Variants in KLHL29 observed in about 807,000 individuals in gnomAD.
KLHL29 encodes the protein kelch like family member 29, also known as kelch-like protein 29.
In KLHL29, 21 loss-of-function variants were observed where a neutral mutation model predicts 80.4. The observed-to-expected ratio is 0.26, with a 90% CI of 0.19 to 0.38. The LOEUF (loss-of-function observed/expected upper bound fraction) is 0.38. KLHL29 is among the 10% of genes least tolerant of loss of function. The pLI is 1.00. For synonymous variants in KLHL29, 511 were observed against 526.8 expected (o/e 0.97, Z 0.41); for missense variants, 867 against 1,223.9 (o/e 0.71, Z 4.35).
intron 12 of KLHL29, 94 bp from the exon 13 acceptor site, chr2:23,703,625 C>A: frequency 7.2e-7 from 1 of 1,395,368 alleles, no homozygotes; most frequent in South Asian, 1.5e-5. Context: ...GGAAGTCTTT[C>A]GAGCTTCCTT....
At position 23,696,125 on chromosome 2, in the gene KLHL29, A is replaced by G; in HGVS notation, c.1916A>G (p.Tyr639Cys). Residue 639 changes from tyrosine (Y) to cysteine (C), a missense_variant, in exon 10 of 14, where the codon TAC becomes TGC. Physicochemically the swap from Tyr to Cys is radical, Grantham distance 194 (BLOSUM62 -2). Transcript: ENST00000486442. This position sits in a 1 kb window ranked among gnomAD's most constrained non-coding sequence, Gnocchi z 5.5. ...GTAGTGAGTGCAGGGGACAACATCTACCTCTCAGGTGAGGCCCCCCGGGGT... is the reference window on the plus strand; with the variant it reads ...GTAGTGAGTGCAGGGGACAACATCTGCCTCTCAGGTGAGGCCCCCCGGGGT... Reference protein sequence around the residue: ...FSVVSAGDNIYLSGGMESGVT... With the variant: ...FSVVSAGDNICLSGGMESGVT... The G allele has an allele frequency of 1.3e-6, 2 of 1,551,184 alleles. No homozygotes were observed. The highest frequency in any genetic ancestry group is 1.7e-6 in the Non-Finnish European group (2 of 1,146,686).
intron 3 of KLHL29, among the ~76,000 whole-genome samples, chr2:23,582,651 G>GCTA (rs914895364): frequency 5.9e-5 from 9 of 152,306 alleles, no homozygotes; most frequent in African/African-American, 2.2e-4. Context: ...CTGTGAACTT[G>GCTA]CTACAATTTC....
chr2:23,626,728 G>A (rs936939405), intron 3 of KLHL29, among the ~76,000 whole-genome samples: 3 of 152,210 alleles, frequency 2.0e-5, no homozygotes, highest in Admixed American at 1.3e-4. Context: ...CCCTGCCTGC[G>A]TGGATGACGC....
chr2:23,492,218 C>T (rs1198740035), intron 2 of KLHL29, among the ~76,000 whole-genome samples: 1 of 152,246 alleles, frequency 6.6e-6, no homozygotes, highest in Non-Finnish European at 1.5e-5. Flanking sequence ...ATGGTCTCCT[C>T]CACCTGGGAT....
intron 3 of KLHL29, among the ~76,000 whole-genome samples, chr2:23,609,259 A>T (rs1399651722): frequency 6.6e-6 from 1 of 152,172 alleles, no homozygotes; most frequent in Non-Finnish European, 1.5e-5. Flanking sequence ...CTGCAGTGGC[A>T]GGGCACTGTG....
At chr2:23,568,738 C>T (rs1397923576) in intron 3 of KLHL29, among the ~76,000 whole-genome samples, 1 of 152,206 alleles carries the variant, frequency 6.6e-6, no homozygotes. Flanking sequence ...AAGGGACAGG[C>T]ATCTAAGGTT....
intron 5 of KLHL29, among the ~76,000 whole-genome samples, chr2:23,661,888 G>T (rs1385557825): frequency 6.6e-6 from 1 of 152,268 alleles, no homozygotes; most frequent in Non-Finnish European, 1.5e-5. Context: ...TATAGGAGGA[G>T]ACCCTGGGCA....
At chr2:23,540,430 G>A (rs542425982) in intron 2 of KLHL29, among the ~76,000 whole-genome samples, 14 of 152,302 alleles carry the variant, frequency 9.2e-5, no homozygotes, top group African/African-American at 3.1e-4. Context: ...GCAGAAAATC[G>A]TACTGGCTAG....
intron 2 of KLHL29, among the ~76,000 whole-genome samples, chr2:23,527,840 C>G (rs1050414850): frequency 6.6e-6 from 1 of 152,220 alleles, no homozygotes; most frequent in Non-Finnish European, 1.5e-5. Flanking sequence ...CCCGAGTCAG[C>G]TTTCTGCATT....
intron 7 of KLHL29, among the ~76,000 whole-genome samples, chr2:23,692,477 A>C (rs1408652449): frequency 6.6e-6 from 1 of 152,220 alleles, no homozygotes; most frequent in African/African-American, 2.4e-5. Context: ...GCCCCCAAAG[A>C]AGCAGTGGCC....
intron 5 of KLHL29, among the ~76,000 whole-genome samples, chr2:23,664,006 G>A (rs1054348868): frequency 6.6e-6 from 1 of 152,178 alleles, no homozygotes; most frequent in African/African-American, 2.4e-5. Context: ...CGAGTGGTTG[G>A]GGACTGGGGC....
Position 23,693,259 on chromosome 2 carries a change from T to C in KLHL29, c.1283-10T>C. 6.5e-7 allele frequency: 1 copy of C among 1,539,318 alleles called. No individual in the cohort carries two copies. Among genetic ancestry groups the C allele is most frequent in the Non-Finnish European group, 8.8e-7 (1 of 1,139,160 alleles). ...CCTTTGGGTCAGTGGTCCTGCGCTG[T>C]CGCCCCCAGAGAAGCAGCTGACGGC... On this transcript the variant is annotated splice_polypyrimidine_tract_variant and intron_variant, in intron 7 of 13. Transcript: ENST00000486442.
chr2:23,570,894 G>A (rs985087546), intron 3 of KLHL29, among the ~76,000 whole-genome samples: 1 of 152,254 alleles, frequency 6.6e-6, no homozygotes, highest in South Asian at 2.1e-4. Flanking sequence ...TCCCTCTGGA[G>A]CATCCCAAGC....
At chr2:23,407,289 C>G (rs1666758800) in intron 1 of KLHL29, among the ~76,000 whole-genome samples, 1 of 152,084 alleles carries the variant, frequency 6.6e-6, no homozygotes, top group African/African-American at 2.4e-5. Flanking sequence ...CATGTGAATA[C>G]TCACTTTACC....
Position 23,562,534 on chromosome 2 carries a change from C to A in KLHL29, c.285+53C>A. 6.6e-7 allele frequency: 1 copy of A among 1,516,564 alleles called. No homozygotes were observed. 93.9% of individuals were successfully genotyped at this position (1,516,564 alleles called of 1,614,324 possible). ...GAGCCGGACAGAGGGGCCCTGCCTC[C>A]CTGCAGGCTCAGGCCAGCCCCACAG... On this transcript the variant is annotated intron_variant, in intron 3 of 13. Coordinates refer to ENST00000486442, the MANE Select transcript of KLHL29 (RefSeq NM_052920.2). This position sits in a 1 kb window ranked among gnomAD's most constrained non-coding sequence, Gnocchi z 4.5.
chr2:23,605,636 A>G (rs1429146313), intron 3 of KLHL29, among the ~76,000 whole-genome samples: 1 of 152,214 alleles, frequency 6.6e-6, no homozygotes. Flanking sequence ...TGCCCATGAA[A>G]ATAGACACAT....
At chr2:23,538,677 T>A (rs1158820592) in intron 2 of KLHL29, among the ~76,000 whole-genome samples, 1 of 152,228 alleles carries the variant, frequency 6.6e-6, no homozygotes, top group Non-Finnish European at 1.5e-5. Context: ...GCTGCACATT[T>A]GTGACAGTGT....
chr2:23,675,897 A>G (rs913093353), intron 5 of KLHL29, among the ~76,000 whole-genome samples: 5 of 152,142 alleles, frequency 3.3e-5, no homozygotes, highest in Non-Finnish European at 5.9e-5. Context: ...GGGGAATGTG[A>G]TCTAACCCCC....
chr2:23,398,841 G>A (rs1666517558), intron 1 of KLHL29, among the ~76,000 whole-genome samples: 1 of 151,590 alleles, frequency 6.6e-6, no homozygotes, highest in Admixed American at 6.6e-5. Flanking sequence ...AATGACACTG[G>A]TGGCAAGTCC....
Sources: allele counts gnomAD v4.1 joint callset (sites outside exome capture counted in the v4.1 genomes callset), GRCh38; gene constraint gnomAD v4.1.1; non-coding constraint Gnocchi (gnomAD v3.1); transcripts MANE v1.5; gene names NCBI Gene and HGNC (gene_info 2026-07-23, HGNC 2026-07-21).